Variants in TAB2 observed in about 807,000 individuals in gnomAD.
TAB2 encodes TGF-beta activated kinase 1 (MAP3K7) binding protein 2, also known as TGF-beta-activated kinase 1 and MAP3K7-binding protein 2.
Under a neutral mutation model 65.0 loss-of-function variants are expected in TAB2, and 3 were observed. The observed-to-expected ratio is 0.05, with a 90% CI of 0.02 to 0.12. The LOEUF (loss-of-function observed/expected upper bound fraction) is 0.12. Ranked by LOEUF, TAB2 falls within the 10% of genes least tolerant of loss-of-function variation. The pLI is 1.00. For missense variants in TAB2, 623 were observed against 840.3 expected (o/e 0.74, Z 3.20); for synonymous variants, 298 against 285.1 (o/e 1.05, Z -0.46).
intron 1 of TAB2, among the ~76,000 whole-genome samples, chr6:149,344,203 TGAA>T (rs1780217414): frequency 6.6e-6 from 1 of 152,340 alleles, no homozygotes; most frequent in South Asian, 2.1e-4. Flanking sequence ...AAGTAGAAAT[TGAA>T]GAAGGAATTA....
intron 1 of TAB2, among the ~76,000 whole-genome samples, chr6:149,275,276 GAAAGAAAGAAAGA>G (rs1376960383): frequency 6.7e-6 from 1 of 149,680 alleles, no homozygotes; most frequent in Non-Finnish European, 1.5e-5. Context: ...AAGAAAGAAA[GAAAGAAAGAAAGA>G]AAGAAAGAAA....
intron 1 of TAB2, among the ~76,000 whole-genome samples, chr6:149,278,305 G>T (rs1778514115): frequency 6.6e-6 from 1 of 152,128 alleles, no homozygotes; most frequent in Admixed American, 6.5e-5. Context: ...AATTTGTAAA[G>T]AAATTTTTGA....
At chr6:149,244,495 C>T (rs9399682) in intron 1 of TAB2, 27,605 of 152,244 alleles carry the variant, frequency 0.18, 2,678 homozygotes, top group East Asian at 0.28. Flanking sequence ...GGATGTATCC[C>T]GGATAGAGGT....
At chr6:149,339,567 G>A (rs547420542) in intron 1 of TAB2, among the ~76,000 whole-genome samples, 11 of 151,060 alleles carry the variant, frequency 7.3e-5, no homozygotes, top group Non-Finnish European at 1.2e-4. Context: ...AAAGAAGCAC[G>A]GCCCAATAAT....
rs370489611 is a variant in TAB2, at chr6:149,368,430, TACGTATAAAC to T, written c.-89-1477_-89-1468del. On this transcript the variant is annotated intron_variant, in intron 1 of 6. Coordinates refer to ENST00000637181, the MANE Select transcript of TAB2 (RefSeq NM_001292034.3). ...AAGGGAGGGAGAAAGTGAAGACACT[TACGTATAAAC>T]AACCCTTTCCAGGAGTTTTAGCCCA... 7.5e-3 allele frequency among the ~76,000 whole-genome samples: 1,141 copies of T among 152,044 alleles called. 8 individuals are homozygous for T. Among genetic ancestry groups the T allele is most frequent in the African/African-American group, 0.026 (1,094 of 41,452 alleles).
chr6:149,392,353 G>A (rs1327959571), intron 3 of TAB2, among the ~76,000 whole-genome samples: 1 of 152,138 alleles, frequency 6.6e-6, no homozygotes, highest in African/African-American at 2.4e-5. Context: ...TGTGGGCCAG[G>A]CTGGTCTTGA....
intron 1 of TAB2, among the ~76,000 whole-genome samples, chr6:149,255,848 A>C (rs1778016946): frequency 6.6e-6 from 1 of 152,230 alleles, no homozygotes; most frequent in Non-Finnish European, 1.5e-5. Context: ...TAAAATTTGG[A>C]AAGAGAAAGA....
At chr6:149,380,860 G>C (rs917421579) in intron 3 of TAB2, among the ~76,000 whole-genome samples, 1 of 152,102 alleles carries the variant, frequency 6.6e-6, no homozygotes, top group East Asian at 1.9e-4. Context: ...TAATTGCTTT[G>C]CCTTATTTTA....
intron 1 of TAB2, among the ~76,000 whole-genome samples, chr6:149,228,893 G>A (rs556311108): frequency 3.0e-4 from 45 of 152,306 alleles, no homozygotes; most frequent in African/African-American, 8.4e-4. Context: ...GTGCATGCAC[G>A]CATGTGCACA....
At chr6:149,323,851 A>G (rs1379036955) in intron 1 of TAB2, among the ~76,000 whole-genome samples, 2 of 152,194 alleles carry the variant, frequency 1.3e-5, no homozygotes, top group African/African-American at 4.8e-5. Flanking sequence ...TTAGTATTTG[A>G]TGTGCCACAG....
At chr6:149,344,275 C>T (rs1302485963) in intron 1 of TAB2, among the ~76,000 whole-genome samples, 1 of 152,116 alleles carries the variant, frequency 6.6e-6, no homozygotes, top group Non-Finnish European at 1.5e-5. Flanking sequence ...AAATTTTTCT[C>T]CATTATTCAA....
intron 6 of TAB2, among the ~76,000 whole-genome samples, chr6:149,405,123 CAAAA>C (rs1782619926): frequency 1.3e-5 from 2 of 152,106 alleles, no homozygotes; most frequent in Admixed American, 1.3e-4. Context: ...AGACATTTCT[CAAAA>C]GAAAGTATAC....
At chr6:149,303,547 A>C (rs1469527266) in intron 1 of TAB2, among the ~76,000 whole-genome samples, 1 of 152,202 alleles carries the variant, frequency 6.6e-6, no homozygotes, top group Non-Finnish European at 1.5e-5. Flanking sequence ...TTACAAATAG[A>C]AGAAAATACA....
intron 2 of TAB2, among the ~76,000 whole-genome samples, chr6:149,377,416 G>GAAA (rs1310498154): frequency 6.6e-6 from 1 of 151,568 alleles, no homozygotes; most frequent in Non-Finnish European, 1.5e-5. Flanking sequence ...GGCAGAGATA[G>GAAA]GAGCTAGTTC....
At chr6:149,240,728 T>C (rs1158166006) in intron 1 of TAB2, among the ~76,000 whole-genome samples, 1 of 152,202 alleles carries the variant, frequency 6.6e-6, no homozygotes, top group African/African-American at 2.4e-5. Flanking sequence ...GTCTGTCCAA[T>C]TTTGTTTATT....
At chr6:149,244,989 T>C (rs1332625462) in intron 1 of TAB2, 3 of 152,146 alleles carry the variant, frequency 2.0e-5, no homozygotes, top group Non-Finnish European at 4.4e-5. Flanking sequence ...TAGATATCAG[T>C]GCTATCCCCA....
intron 1 of TAB2, among the ~76,000 whole-genome samples, chr6:149,281,416 T>C (rs1308439410): frequency 2.0e-5 from 3 of 150,434 alleles, no homozygotes; most frequent in African/African-American, 7.3e-5. Flanking sequence ...CAAAAGGAAA[T>C]CGTAAAAAAT....
intron 1 of TAB2, among the ~76,000 whole-genome samples, chr6:149,354,048 A>G (rs1306457475): frequency 2.0e-5 from 3 of 152,220 alleles, no homozygotes; most frequent in South Asian, 4.1e-4. Flanking sequence ...AAATTTAACT[A>G]AATTTCTCTA....
intron 1 of TAB2, among the ~76,000 whole-genome samples, chr6:149,274,570 T>A (rs1220105417): frequency 6.6e-6 from 1 of 152,184 alleles, no homozygotes; most frequent in African/African-American, 2.4e-5. Context: ...TCCTGCAAGA[T>A]AATTCCCTTT....
Sources: gnomAD v4.1 joint callset for allele counts (sites outside exome capture counted in the v4.1 genomes callset) on GRCh38, gnomAD v4.1.1 for gene constraint, MANE v1.5 for transcripts, NCBI Gene and HGNC (gene_info 2026-07-23, HGNC 2026-07-21) for gene names.